SDK1: variants seen among roughly 807,000 people sequenced by gnomAD.
SDK1 encodes the protein protein sidekick-1.
In SDK1, 157 loss-of-function variants were observed where a neutral mutation model predicts 245.5. The ratio of observed to expected loss-of-function variants is 0.64; its 90% confidence interval spans 0.56 to 0.73. SDK1 has a LOEUF of 0.73. Among genes scored for constraint, SDK1 ranks in the 30% least tolerant of loss-of-function variants. The pLI, the probability that SDK1 is intolerant of heterozygous loss-of-function variation, is 0.00. For synonymous variants in SDK1, 1,647 were observed against 1,278.5 expected (o/e 1.29, Z -6.15); for missense variants, 3,583 against 3,002.3 (o/e 1.19, Z -4.52).
intron 1 of SDK1, among the ~76,000 whole-genome samples, chr7:3,600,057 G>A (rs999407708): frequency 3.3e-5 from 5 of 151,986 alleles, no homozygotes; most frequent in African/African-American, 1.2e-4. Context: ...TTAATTCTAT[G>A]GACATGGTGT....
intron 5 of SDK1, among the ~76,000 whole-genome samples, chr7:3,860,691 C>T (rs1372732217): frequency 6.6e-6 from 1 of 152,112 alleles, no homozygotes; most frequent in Admixed American, 6.5e-5. Context: ...GCAGTCATCT[C>T]CTCCTCTCCC....
chr7:3,747,694 C>T (rs1161123563), intron 4 of SDK1, among the ~76,000 whole-genome samples: 1 of 139,134 alleles, frequency 7.2e-6, no homozygotes, highest in Non-Finnish European at 1.5e-5. Flanking sequence ...TTAACTTAGC[C>T]TGGGGTGTGT....
intron 4 of SDK1, among the ~76,000 whole-genome samples, chr7:3,808,187 C>G (rs376760356): frequency 1.3e-5 from 2 of 152,174 alleles, no homozygotes; most frequent in African/African-American, 4.8e-5. Flanking sequence ...AGTTGCCAGG[C>G]CCGTGGAACG....
At chr7:3,441,184 T>C (rs1011660710) in intron 1 of SDK1, among the ~76,000 whole-genome samples, 1 of 152,176 alleles carries the variant, frequency 6.6e-6, no homozygotes, top group Admixed American at 6.5e-5. Context: ...TATAATTCTA[T>C]TTTATTACTA....
chr7:3,875,662 A>G (rs965937523), intron 5 of SDK1, among the ~76,000 whole-genome samples: 2 of 152,176 alleles, frequency 1.3e-5, no homozygotes, highest in African/African-American at 2.4e-5. Context: ...CGGGTAGGAA[A>G]GATTGGCAAA....
intron 1 of SDK1, among the ~76,000 whole-genome samples, chr7:3,333,963 G>A (rs1583697302): frequency 1.3e-5 from 2 of 152,192 alleles, no homozygotes; most frequent in African/African-American, 4.8e-5. Context: ...GCTGGCCCCA[G>A]AACCACACCA....
intron 44 of SDK1, among the ~76,000 whole-genome samples, chr7:4,259,152 A>G (rs117864775): frequency 6.6e-6 from 1 of 152,312 alleles, no homozygotes; most frequent in East Asian, 1.9e-4. Flanking sequence ...AATAAATCTT[A>G]AACAGGCCAG....
At chr7:4,198,554 C>G (rs1175090883) in intron 35 of SDK1, among the ~76,000 whole-genome samples, 1 of 152,224 alleles carries the variant, frequency 6.6e-6, no homozygotes, top group Non-Finnish European at 1.5e-5. Context: ...TATTGGAACA[C>G]CGCCACACCC....
At chr7:3,543,304 C>G (rs191962408) in intron 1 of SDK1, among the ~76,000 whole-genome samples, 4 of 152,352 alleles carry the variant, frequency 2.6e-5, no homozygotes, top group African/African-American at 4.8e-5. Flanking sequence ...TCCTGTTATA[C>G]TCCTTGCTTA....
intron 17 of SDK1, among the ~76,000 whole-genome samples, chr7:4,021,590 A>T (rs1786899797): frequency 6.6e-6 from 1 of 152,192 alleles, no homozygotes; most frequent in Non-Finnish European, 1.5e-5. Context: ...CACGTGCCTC[A>T]GGTCACAAGC....
intron 4 of SDK1, among the ~76,000 whole-genome samples, chr7:3,674,995 G>C (rs1253827846): frequency 5.3e-5 from 8 of 152,204 alleles, no homozygotes; most frequent in African/African-American, 1.9e-4. Context: ...TTGGTGTGTG[G>C]GCCATATAAA....
intron 1 of SDK1, among the ~76,000 whole-genome samples, chr7:3,506,468 G>A (rs1356747750): frequency 1.3e-5 from 2 of 151,882 alleles, no homozygotes; most frequent in African/African-American, 4.8e-5. Context: ...TAAATATATG[G>A]TTTCATGCTT....
At chr7:3,957,514 A>G (rs1781368161) in intron 7 of SDK1, among the ~76,000 whole-genome samples, 1 of 152,202 alleles carries the variant, frequency 6.6e-6, no homozygotes, top group Admixed American at 6.5e-5. Flanking sequence ...GAAAACTATA[A>G]TTAATCATAA....
chr7:3,718,975 A>G (rs867591345), intron 4 of SDK1, among the ~76,000 whole-genome samples: 2 of 152,216 alleles, frequency 1.3e-5, no homozygotes, highest in African/African-American at 2.4e-5. Context: ...TCTATATAAT[A>G]ACGCGTGGAA....
chr7:3,845,719 C>A (rs1780261595), intron 5 of SDK1, among the ~76,000 whole-genome samples: 1 of 151,142 alleles, frequency 6.6e-6, no homozygotes, highest in Non-Finnish European at 1.5e-5. Flanking sequence ...ACAAATGCAG[C>A]CTAGTCAATT....
intron 5 of SDK1, among the ~76,000 whole-genome samples, chr7:3,945,818 G>A (rs946249016): frequency 7.1e-6 from 1 of 140,368 alleles, no homozygotes; most frequent in African/African-American, 2.6e-5. Context: ...AGAATGGTGT[G>A]AACCTGGGGA....
chr7:3,674,957 C>T (rs1783845373), intron 4 of SDK1, among the ~76,000 whole-genome samples: 1 of 152,124 alleles, frequency 6.6e-6, no homozygotes. Context: ...TGGATAGAAG[C>T]ATAGTGACCT....
intron 4 of SDK1, among the ~76,000 whole-genome samples, chr7:3,769,833 G>T (rs1197948606): frequency 2.0e-5 from 3 of 151,870 alleles, no homozygotes; most frequent in Admixed American, 1.3e-4. Flanking sequence ...CTCCAGTCCT[G>T]GGGTCCCTAG....
At chr7:3,970,813 G>C (rs1193056442) in intron 11 of SDK1, among the ~76,000 whole-genome samples, 1 of 152,230 alleles carries the variant, frequency 6.6e-6, no homozygotes, top group African/African-American at 2.4e-5. Flanking sequence ...ACCATTAGCA[G>C]AGGTCAGGCT....
Sources: gnomAD v4.1 joint callset for allele counts (sites outside exome capture counted in the v4.1 genomes callset) on GRCh38, gnomAD v4.1.1 for gene constraint, MANE v1.5 for transcripts, NCBI Gene and HGNC (gene_info 2026-07-23, HGNC 2026-07-21) for gene names.